Variants in OIT3 observed in about 807,000 individuals in gnomAD.
The protein encoded by OIT3 is oncoprotein-induced transcript 3 protein.
OIT3 carries 41 observed loss-of-function variants against 52.2 expected under a neutral mutation model. The observed-to-expected ratio is 0.79, with a 90% CI of 0.61 to 1.02. OIT3 has a LOEUF of 1.02. Among genes scored for constraint, OIT3 ranks in the 50% least tolerant of loss-of-function variants. The pLI, the probability that OIT3 is intolerant of heterozygous loss-of-function variation, is 0.00. For missense variants in OIT3, 634 were observed against 715.5 expected (o/e 0.89, Z 1.30); for synonymous variants, 244 against 276.9 (o/e 0.88, Z 1.18).
At position 72,930,641 on chromosome 10, in the gene OIT3, A is replaced by G; in HGVS notation, c.1467+4A>G. On this transcript the variant is annotated splice_donor_region_variant and intron_variant, in intron 8 of 8. Coordinates refer to ENST00000334011, the MANE Select transcript of OIT3 (RefSeq NM_152635.3). ...GTTTGTGGGCAAAGACCACAAGGTG[A>G]GTTGAACATCTTTAATTTATAACCC... 1 of 1,219,520 alleles carries G rather than the reference A, an allele frequency of 8.2e-7. No individual in the cohort carries two copies. Among genetic ancestry groups the G allele is most frequent in the Non-Finnish European group, 1.2e-6 (1 of 835,186 alleles). The allele number at this position is 1,219,520 out of a possible 1,614,324, so 75.5% of individuals were successfully genotyped here. A position where few individuals can be genotyped will look rare whatever the true frequency, so the allele number is the denominator to read the frequency against.
At chr10:72,911,957 T>C (rs891847903) in intron 5 of OIT3, 118 bp downstream of exon 5, 1 of 833,186 alleles carries the variant, frequency 1.2e-6, no homozygotes, top group African/African-American at 1.7e-5. Context: ...ACAATGGCTC[T>C]TCGAGCAGTG....
At chr10:72,917,155 T>C (rs916916715) in intron 6 of OIT3, among the ~76,000 whole-genome samples, 4 of 152,202 alleles carry the variant, frequency 2.6e-5, no homozygotes, top group African/African-American at 9.6e-5. Context: ...GTAGAAGCTC[T>C]TTAGTTTAAT....
chr10:72,911,853 C>T lies in OIT3; in HGVS notation c.790+14C>T, dbSNP rs3750736. 481,965 of 1,606,334 alleles carry T rather than the reference C, an allele frequency of 0.3. 78,970 individuals are homozygous for T. The highest frequency in any genetic ancestry group is 0.62 in the East Asian group (27,674 of 44,670). ...ACACTTGCCAAGGTAGTACATGGGG[C>T]AGGGGGACTTGTCTCTACTCTGATT... is the stretch of plus-strand genomic sequence containing the variant. On this transcript the variant is annotated intron_variant, in intron 5 of 8. Coordinates refer to ENST00000334011, the MANE Select transcript of OIT3 (RefSeq NM_152635.3).
chr10:72,921,903 C>T (rs1305733848), intron 6 of OIT3, among the ~76,000 whole-genome samples: 1 of 151,916 alleles, frequency 6.6e-6, no homozygotes, highest in Non-Finnish European at 1.5e-5. Flanking sequence ...AACTCCTGAC[C>T]TCAAGTGATC....
chr10:72,907,042 G>A (rs1313991829), intron 4 of OIT3, among the ~76,000 whole-genome samples: 3 of 152,090 alleles, frequency 2.0e-5, no homozygotes, highest in African/African-American at 7.2e-5. Context: ...TGAAGTGGGA[G>A]GATCACTTGA....
rs563528794 is a variant in OIT3, at chr10:72,913,231, G to A, written c.791-77G>A. The A allele has an allele frequency of 5.6e-6, 7 of 1,240,458 alleles. No individual in the cohort carries two copies. In the East Asian group the frequency reaches 7.1e-5, roughly 13 times the overall value. 76.8% of individuals were successfully genotyped at this position (1,240,458 alleles called of 1,614,324 possible). ...GAACAAAAAGCTTGGGTTGTGTGAGGGTGAAATTATTTCTCCTAAAAGCCT... is the reference window on the plus strand; with the variant it reads ...GAACAAAAAGCTTGGGTTGTGTGAGAGTGAAATTATTTCTCCTAAAAGCCT... On this transcript the variant is annotated intron_variant, in intron 5 of 8. Transcript: ENST00000334011.
At chr10:72,906,521 G>A in intron 3 of OIT3, 75 bp from the exon 4 acceptor site, 1 of 1,571,888 alleles carries the variant, frequency 6.4e-7, no homozygotes, top group Non-Finnish European at 8.7e-7. Flanking sequence ...AAAAGATGTG[G>A]AAATTCTGCC....
chr10:72,909,808 C>T lies in OIT3; in HGVS notation c.668-1909C>T, dbSNP rs574661988. On this transcript the variant is annotated intron_variant, in intron 4 of 8. Transcript: ENST00000334011. ...AGAGATGGGGTTTCACCATGTTAGC[C>T]AGGATGGTCTCGATCTCCTGACCTC... is the stretch of plus-strand genomic sequence containing the variant. Among the ~76,000 whole-genome samples, 15 of 152,024 alleles carry T rather than the reference C, an allele frequency of 9.9e-5. No homozygotes were observed. In the East Asian group the frequency reaches 2.7e-3, roughly 28 times the overall value.
At chr10:72,915,018 A>G (rs907220854) in intron 6 of OIT3, among the ~76,000 whole-genome samples, 5 of 152,088 alleles carry the variant, frequency 3.3e-5, no homozygotes, top group African/African-American at 9.7e-5. Flanking sequence ...GGCATCTGCC[A>G]CCATGCCTGG....
intron 7 of OIT3, among the ~76,000 whole-genome samples, chr10:72,926,398 A>C (rs559431697): frequency 2.0e-3 from 303 of 152,298 alleles, no homozygotes; most frequent in African/African-American, 7.1e-3. Context: ...CTATTGTCTT[A>C]ATTCCCACCT....
chr10:72,926,727 C>T (rs1488349376), intron 7 of OIT3, among the ~76,000 whole-genome samples: 1 of 152,126 alleles, frequency 6.6e-6, no homozygotes, highest in African/African-American at 2.4e-5. Context: ...TCTTGCCATG[C>T]TAAGGTGATT....
chr10:72,925,403 T>G (rs1846161833), intron 7 of OIT3, among the ~76,000 whole-genome samples: 2 of 152,152 alleles, frequency 1.3e-5, no homozygotes, highest in South Asian at 4.1e-4. Context: ...GAGATGAAAC[T>G]GTAGGATTGA....
chr10:72,932,451 G>C lies in OIT3; in HGVS notation c.1565G>C (p.Gly522Ala). 1 of 1,614,182 alleles carries C rather than the reference G, an allele frequency of 6.2e-7. No individual in the cohort carries two copies. Among genetic ancestry groups the C allele is most frequent in the African/African-American group, 1.3e-5 (1 of 75,058 alleles). ...CACCGGCGAATGCGTCGTGGGGCAG[G>C]AGGAGAGGACTCAGCCGGTCTACAG... ...GCHRRMRRGA[G>A]GEDSAGLQGQ... Residue 522 changes from glycine (G) to alanine (A), a missense_variant, in exon 9 of 9, where the codon GGA becomes GCA. Physicochemically the swap from Gly to Ala is moderately conservative, Grantham distance 60 (BLOSUM62 0). Coordinates refer to ENST00000334011, the MANE Select transcript of OIT3 (RefSeq NM_152635.3).
chr10:72,898,732 G>T lies in OIT3; in HGVS notation c.130G>T (p.Glu44Ter). 3.1e-6 allele frequency: 5 copies of T among 1,614,014 alleles called. No individual in the cohort carries two copies. The highest frequency in any genetic ancestry group is 4.2e-6 in the Non-Finnish European group (5 of 1,179,898). Residue 44 changes from glutamate (E) to a stop codon, truncating the protein, a stop_gained, in exon 2 of 9, where the codon GAG becomes TAG. Coordinates refer to ENST00000334011, the MANE Select transcript of OIT3 (RefSeq NM_152635.3). LOFTEE classifies it high-confidence loss of function. ...PWRNTDHQLD[E>*]SQGPPLCDNH... Reference sequence around the variant, plus strand: ...GAGGAACACTGACCACCAGTTGGATGAGTCTCAAGGTCCTCCTCTATGTGA... The same window carrying T: ...GAGGAACACTGACCACCAGTTGGATTAGTCTCAAGGTCCTCCTCTATGTGA...
At chr10:72,923,803 A>G (rs1182797260) in intron 6 of OIT3, among the ~76,000 whole-genome samples, 1 of 152,168 alleles carries the variant, frequency 6.6e-6, no homozygotes, top group Non-Finnish European at 1.5e-5. Flanking sequence ...CCACTTTCAG[A>G]CAGTTTGGAC....
At position 72,906,738 on chromosome 10, in the gene OIT3, G is replaced by A; in HGVS notation, c.667+20G>A. 1 of 1,536,450 alleles carries A rather than the reference G, an allele frequency of 6.5e-7. No homozygotes were observed. Among genetic ancestry groups the A allele is most frequent in the South Asian group, 1.3e-5 (1 of 77,624 alleles). On this transcript the variant is annotated intron_variant, in intron 4 of 8. Transcript: ENST00000334011. ...GTGAAGGTGAGAATGGGCAAAAAGG[G>A]ACCCAAATCAAGAGCCCAGAGGAAG...
At chr10:72,902,041 AAAAACAAAACAAAAC>A (rs565188014) in intron 3 of OIT3, among the ~76,000 whole-genome samples, 12 of 152,120 alleles carry the variant, frequency 7.9e-5, no homozygotes, top group Non-Finnish European at 1.5e-5. Context: ...CCTGTCTCTG[AAAAACAAAACAAAAC>A]AAAACAAAAC....
chr10:72,912,957 C>T (rs540034695), intron 5 of OIT3, among the ~76,000 whole-genome samples: 1 of 152,248 alleles, frequency 6.6e-6, no homozygotes, highest in Non-Finnish European at 1.5e-5. Context: ...TATATCAAAG[C>T]AGCACTTTTT....
In OIT3 at chr10:72,898,130, A is replaced by G. The variant is rs571450034; in HGVS notation, c.62-534A>G. Among the ~76,000 whole-genome samples, 8 of 151,898 alleles carry G rather than the reference A, an allele frequency of 5.3e-5. No homozygotes were observed. The South Asian group carries it at 1.7e-3, about 32-fold the overall frequency. ...AAACCCTATCTCTACCAAAAAAAAA[A>G]AAAAAAATTAGCCAGGTGTGGTGGC... On this transcript the variant is annotated intron_variant, in intron 1 of 8. Transcript: ENST00000334011.
Sources: gnomAD v4.1 joint callset for allele counts (sites outside exome capture counted in the v4.1 genomes callset) on GRCh38, gnomAD v4.1.1 for gene constraint, MANE v1.5 for transcripts, NCBI Gene and HGNC (gene_info 2026-07-23, HGNC 2026-07-21) for gene names.